The following MACROD2 variants were observed in gnomAD, a reference collection of about 807,000 sequenced individuals.
The protein encoded by MACROD2 is ADP-ribose glycohydrolase MACROD2.
A neutral mutation model predicts 70.4 loss-of-function variants in MACROD2; 36 were observed. The ratio of observed to expected loss-of-function variants is 0.51; its 90% confidence interval spans 0.39 to 0.68. MACROD2 has a LOEUF of 0.68. Among genes scored for constraint, MACROD2 ranks in the 30% least tolerant of loss-of-function variants. The pLI is 0.00. For missense variants in MACROD2, 496 were observed against 538.4 expected (o/e 0.92, Z 0.78); for synonymous variants, 172 against 178.8 (o/e 0.96, Z 0.30).
intron 5 of MACROD2, among the ~76,000 whole-genome samples, chr20:15,013,613 AC>A (rs1235210017): frequency 2.0e-5 from 3 of 152,118 alleles, no homozygotes; most frequent in Admixed American, 6.5e-5. Flanking sequence ...GCAGTTCAGG[AC>A]AACTCTGGAA....
chr20:14,111,045 C>G (rs916558031), intron 3 of MACROD2, among the ~76,000 whole-genome samples: 2 of 151,780 alleles, frequency 1.3e-5, no homozygotes, highest in Non-Finnish European at 2.9e-5. Flanking sequence ...ACTAATGGAA[C>G]AGAGAGTCTG....
At chr20:14,274,092 C>T (rs532909121) in intron 3 of MACROD2, among the ~76,000 whole-genome samples, 16 of 152,320 alleles carry the variant, frequency 1.1e-4, no homozygotes, top group African/African-American at 2.9e-4. Flanking sequence ...ACCATTCCTT[C>T]TGAAACTATT....
intron 15 of MACROD2, among the ~76,000 whole-genome samples, chr20:16,021,638 A>C (rs540317047): frequency 3.9e-5 from 6 of 152,198 alleles, no homozygotes; most frequent in Non-Finnish European, 8.8e-5. Flanking sequence ...TATGAGCCTA[A>C]CACTCCACTA....
At chr20:15,899,908 G>GTTATTA (rs915676558) in intron 10 of MACROD2, among the ~76,000 whole-genome samples, 1 of 151,900 alleles carries the variant, frequency 6.6e-6, no homozygotes, top group Non-Finnish European at 1.5e-5. Context: ...TAATATTAAA[G>GTTATTA]TTATTATTAT....
At chr20:14,559,280 C>T (rs772241804) in intron 4 of MACROD2, among the ~76,000 whole-genome samples, 15 of 151,658 alleles carry the variant, frequency 9.9e-5, no homozygotes, top group Non-Finnish European at 1.9e-4. Context: ...GTATGTTAAA[C>T]ATTTTAGCAG....
chr20:15,348,536 C>G (rs1382101740), intron 6 of MACROD2, among the ~76,000 whole-genome samples: 1 of 152,096 alleles, frequency 6.6e-6, no homozygotes, highest in Non-Finnish European at 1.5e-5. Flanking sequence ...TCTCATGCTG[C>G]TAATAAAGAC....
intron 5 of MACROD2, among the ~76,000 whole-genome samples, chr20:14,864,423 A>AT (rs894355480): frequency 1.3e-5 from 2 of 151,994 alleles, no homozygotes; most frequent in Non-Finnish European, 2.9e-5. Context: ...AAATCAGTAA[A>AT]TTTTTTTATA....
chr20:16,001,416 T>A (rs2066707086), intron 15 of MACROD2, among the ~76,000 whole-genome samples: 1 of 152,224 alleles, frequency 6.6e-6, no homozygotes, highest in South Asian at 2.1e-4. Flanking sequence ...AGCAAGGGGT[T>A]TGGATTGATT....
intron 15 of MACROD2, among the ~76,000 whole-genome samples, chr20:16,001,295 A>G (rs927284127): frequency 1.3e-5 from 2 of 152,216 alleles, no homozygotes; most frequent in African/African-American, 4.8e-5. Flanking sequence ...TATAATCAAG[A>G]TGGAAACAAT....
At chr20:14,596,391 A>G (rs1982144378) in intron 4 of MACROD2, among the ~76,000 whole-genome samples, 1 of 143,546 alleles carries the variant, frequency 7.0e-6, no homozygotes, top group African/African-American at 2.7e-5. Flanking sequence ...TGCCCAGCCC[A>G]TATATATGTA....
At chr20:15,038,018 T>C (rs189152076) in intron 5 of MACROD2, among the ~76,000 whole-genome samples, 254 of 152,318 alleles carry the variant, frequency 1.7e-3, no homozygotes, top group African/African-American at 5.8e-3. Context: ...TTATACACTG[T>C]ATACATGTAT....
At position 14,713,392 on chromosome 20, in the gene MACROD2, C is replaced by T. The variant is rs187910473; in HGVS notation, c.418+28433C>T. Among the ~76,000 whole-genome samples the T allele has an allele frequency of 2.4e-3, 370 of 152,288 alleles. 1 individual carries two copies. The highest frequency in any genetic ancestry group is 8.2e-3 in the African/African-American group (342 of 41,570). On this transcript the variant is annotated intron_variant, in intron 5 of 17. Coordinates refer to ENST00000684519, the MANE Select transcript of MACROD2 (RefSeq NM_001351661.2). ...AAGTGGTTGAGTCAGGATTTGAATA[C>T]AGGCTTTTTGTTTTTATCACTCCAG...
intron 5 of MACROD2, among the ~76,000 whole-genome samples, chr20:14,774,196 C>G (rs2072205839): frequency 6.6e-6 from 1 of 151,930 alleles, no homozygotes; most frequent in Non-Finnish European, 1.5e-5. Flanking sequence ...AGTGTCAGCT[C>G]TTATATGTAT....
intron 3 of MACROD2, among the ~76,000 whole-genome samples, chr20:14,464,261 G>C (rs1600264894): frequency 6.6e-6 from 1 of 152,072 alleles, no homozygotes; most frequent in African/African-American, 2.4e-5. Flanking sequence ...GTTTAGTCTT[G>C]GGAGGGTGTA....
intron 3 of MACROD2, among the ~76,000 whole-genome samples, chr20:14,273,069 A>G (rs1164321625): frequency 5.9e-5 from 9 of 151,980 alleles, no homozygotes; most frequent in African/African-American, 1.5e-4. Flanking sequence ...CCCACTGTCA[A>G]CATTAGACAG....
chr20:15,531,287 AT>A (rs1334860827), intron 8 of MACROD2, among the ~76,000 whole-genome samples: 7 of 151,424 alleles, frequency 4.6e-5, no homozygotes, highest in Non-Finnish European at 1.0e-4. Flanking sequence ...CTATATAATT[AT>A]TTTTACAAAA....
chr20:14,136,775 C>T (rs907562434), intron 3 of MACROD2, among the ~76,000 whole-genome samples: 2 of 152,164 alleles, frequency 1.3e-5, no homozygotes, highest in Admixed American at 1.3e-4. Context: ...CAAATGTCTA[C>T]CCCAGCAAAC....
At chr20:15,885,851 G>A in intron 10 of MACROD2, 40 bp downstream of exon 10, 2 of 1,477,162 alleles carry the variant, frequency 1.4e-6, no homozygotes, top group Non-Finnish European at 1.8e-6. Flanking sequence ...GGTAGGTAGG[G>A]GTCATTTTGT....
At chr20:14,282,176 G>A (rs142188386) in intron 3 of MACROD2, among the ~76,000 whole-genome samples, 11 of 151,942 alleles carry the variant, frequency 7.2e-5, no homozygotes, top group Admixed American at 5.2e-4. Flanking sequence ...AGAAATTCTC[G>A]CCATAGGCAC....
Sources: allele counts gnomAD v4.1 joint callset (sites outside exome capture counted in the v4.1 genomes callset), GRCh38; gene constraint gnomAD v4.1.1; transcripts MANE v1.5; gene names NCBI Gene and HGNC (gene_info 2026-07-23, HGNC 2026-07-21).